Variants in CD163L1 observed in about 807,000 individuals in gnomAD.
CD163L1 encodes the protein CD163 molecule like 1.
Under a neutral mutation model 165.4 loss-of-function variants are expected in CD163L1, and 124 were observed. That is an observed-to-expected ratio of 0.75 (90% CI 0.65 to 0.87). The LOEUF (loss-of-function observed/expected upper bound fraction) is 0.87, where lower values mean the gene tolerates loss of function less well. Ranked by LOEUF, CD163L1 falls within the 40% of genes least tolerant of loss-of-function variation. The pLI, the probability that CD163L1 is intolerant of heterozygous loss-of-function variation, is 0.00. For synonymous variants in CD163L1, 585 were observed against 662.2 expected (o/e 0.88, Z 1.79); for missense variants, 1,525 against 1,799.9 (o/e 0.85, Z 2.76).
At chr12:7,349,636 CAT>C (rs752295547) in intron 4 of CD163L1, among the ~76,000 whole-genome samples, 37 of 152,306 alleles carry the variant, frequency 2.4e-4, no homozygotes, top group Admixed American at 7.9e-4. Flanking sequence ...CGATCTGACT[CAT>C]GTGGAGCGAG....
intron 4 of CD163L1, among the ~76,000 whole-genome samples, chr12:7,422,427 AG>A (rs1804623952): frequency 6.6e-6 from 1 of 152,024 alleles, no homozygotes. Context: ...GCACAAAACT[AG>A]AGAGAATGAG....
intron 5 of CD163L1, among the ~76,000 whole-genome samples, chr12:7,405,735 G>A (rs529293668): frequency 6.2e-4 from 95 of 152,314 alleles, no homozygotes; most frequent in Middle Eastern, 6.8e-3. Flanking sequence ...CGTAAGGTCA[G>A]TAATAATTTA....
intron 4 of CD163L1, among the ~76,000 whole-genome samples, chr12:7,410,470 G>A (rs1380885306): frequency 1.3e-5 from 2 of 152,030 alleles, no homozygotes; most frequent in Non-Finnish European, 2.9e-5. Context: ...GCTGGGCATG[G>A]TGGTGTGCAC....
chr12:7,365,106 A>G (rs955556051), intron 18 of CD163L1, among the ~76,000 whole-genome samples: 4 of 152,142 alleles, frequency 2.6e-5, no homozygotes, highest in African/African-American at 4.8e-5. Context: ...GAACCCAGAT[A>G]TAAATCCATG....
chr12:7,340,465 T>C, the CD163L1 span, among the ~76,000 whole-genome samples: 50 of 152,282 alleles, frequency 3.3e-4, no homozygotes, highest in African/African-American at 1.2e-3. Flanking sequence ...TGAGAATATA[T>C]AATTTAATAC....
At chr12:7,328,251 A>G in the CD163L1 span, 3 of 1,487,238 alleles carry the variant, frequency 2.0e-6, no homozygotes, top group African/African-American at 2.8e-5. Flanking sequence ...GAAGGATGGA[A>G]TCAAGTGTCT....
intron 4 of CD163L1, among the ~76,000 whole-genome samples, chr12:7,421,024 C>CATAT (rs144873633): frequency 7.1e-4 from 75 of 104,984 alleles, no homozygotes; most frequent in Admixed American, 2.1e-3. Flanking sequence ...TATATATATA[C>CATAT]ATATATATAT....
intron 18 of CD163L1, among the ~76,000 whole-genome samples, chr12:7,365,162 T>C (rs1946986666): frequency 6.6e-6 from 1 of 151,968 alleles, no homozygotes; most frequent in African/African-American, 2.4e-5. Flanking sequence ...AGGACATACA[T>C]TGGGAAAAGA....
intron 4 of CD163L1, among the ~76,000 whole-genome samples, chr12:7,427,657 C>T (rs1243925399): frequency 6.6e-6 from 1 of 151,994 alleles, no homozygotes; most frequent in Non-Finnish European, 1.5e-5. Context: ...GTCCAACAAA[C>T]TCATTTAAGG....
At chr12:7,438,967 C>G (rs967899346) in intron 2 of CD163L1, 34 of 1,607,978 alleles carry the variant, frequency 2.1e-5, no homozygotes, top group East Asian at 1.1e-4. Flanking sequence ...GCTTCCTGCT[C>G]TCTCTAGTGT....
the CD163L1 span, chr12:7,324,606 A>C: frequency 6.2e-7 from 1 of 1,613,174 alleles, no homozygotes; most frequent in South Asian, 1.1e-5. Context: ...GAGGTAGATG[A>C]ATGTCATTTA....
chr12:7,429,752 T>C (rs1470810517), intron 4 of CD163L1, among the ~76,000 whole-genome samples: 2 of 152,202 alleles, frequency 1.3e-5, no homozygotes, highest in Admixed American at 1.3e-4. Context: ...CAGGGTCTTC[T>C]TAACTTCTGT....
chr12:7,384,171 TA>T (rs143282690), intron 8 of CD163L1, among the ~76,000 whole-genome samples: 14 of 150,932 alleles, frequency 9.3e-5, no homozygotes, highest in African/African-American at 2.4e-4. Context: ...ATGAAAAACA[TA>T]AAAAAAATCA....
In CD163L1 at chr12:7,368,946, C is replaced by T; in HGVS notation, c.4059G>A (p.Leu1353=). 1 of 1,613,466 alleles carries T rather than the reference C, an allele frequency of 6.2e-7. No homozygotes were observed. Among genetic ancestry groups the T allele is most frequent in the Non-Finnish European group, 8.5e-7 (1 of 1,179,832 alleles). Reference sequence around the variant, plus strand: ...AGAAGACTATACCTGAGGAGGCATTCAGTGATTTCAGCGACTGTCCTGAGA... The same window carrying T: ...AGAAGACTATACCTGAGGAGGCATTTAGTGATTTCAGCGACTGTCCTGAGA... ...VRCSGQSLKS[L]NASSGHLALI... is the part of the protein sequence containing the mutation. Residue 1353 remains leucine (L), a synonymous_variant, in exon 16 of 20, where the codon CTG becomes CTA. Transcript: ENST00000313599. This position sits in a 1 kb window ranked among gnomAD's most constrained non-coding sequence, Gnocchi z 4.3.
At chr12:7,349,022 A>G (rs1946690531) in intron 4 of CD163L1, among the ~76,000 whole-genome samples, 1 of 152,096 alleles carries the variant, frequency 6.6e-6, no homozygotes, top group Non-Finnish European at 1.5e-5. Context: ...GTGAATCTGG[A>G]TTTCTGTCCA....
rs1413808743 is a variant in CD163L1 at position 7,368,280 on chromosome 12, C to A, written c.4073-83G>T. 2 of 704,626 alleles carry A rather than the reference C, an allele frequency of 2.8e-6. No homozygotes were observed. The highest frequency in any genetic ancestry group is 1.9e-5 in the South Asian group (1 of 53,330). The allele number at this position is 704,626 out of a possible 1,614,324, so 43.6% of individuals were successfully genotyped here. On this transcript the variant is annotated intron_variant, in intron 16 of 19. Transcript: ENST00000313599. The surrounding 1 kb of genome is among the most constrained non-coding windows in gnomAD (Gnocchi z 4.3). ...ATACATTGTAAAAAAAACTGGTTCC[C>A]TAGTTGCTGAGAAGAATAATGGCTA...
chr12:7,337,263 A>AGACTTCAT, the CD163L1 span, among the ~76,000 whole-genome samples: 2 of 152,198 alleles, frequency 1.3e-5, no homozygotes, highest in African/African-American at 4.8e-5. Flanking sequence ...GCACGGGCAA[A>AGACTTCAT]GACTTCATGA....
chr12:7,421,464 C>T (rs1363896770), intron 4 of CD163L1, among the ~76,000 whole-genome samples: 4 of 75,486 alleles, frequency 5.3e-5, no homozygotes, highest in Non-Finnish European at 8.6e-5. Context: ...TACATATATA[C>T]ATATATATAC....
rs1034382770 is a variant in CD163L1, at chr12:7,375,389, G to T, written c.2893C>A (p.His965Asn). The T allele has an allele frequency of 3.7e-6, 6 of 1,614,156 alleles. No individual in the cohort carries two copies. The highest frequency in any genetic ancestry group is 4.2e-6 in the Non-Finnish European group (5 of 1,180,022). ...TCATTCCCTAAGCAATGAAACCTGT[G>T]TCCCCACACACGAACACTTCTTTCT... ...IGERSVRVWGHRFHCLGNESL... is the reference protein window; with the variant it reads ...IGERSVRVWGNRFHCLGNESL... The change falls in exon 11 of 20, where the codon CAC (histidine) becomes AAC (asparagine). Residue 965 changes from histidine to asparagine, a missense_variant. Coordinates refer to ENST00000313599, the MANE Select transcript of CD163L1 (RefSeq NM_174941.6).
Sources: gnomAD v4.1 joint callset for allele counts (sites outside exome capture counted in the v4.1 genomes callset) on GRCh38, gnomAD v4.1.1 for gene constraint, Gnocchi (gnomAD v3.1) non-coding constraint, MANE v1.5 for transcripts, NCBI Gene and HGNC (gene_info 2026-07-23, HGNC 2026-07-21) for gene names.